CCSER1: variants seen among roughly 807,000 people sequenced by gnomAD.
CCSER1 encodes coiled-coil serine rich protein 1, also known as serine-rich coiled-coil domain-containing protein 1.
CCSER1 carries 41 observed loss-of-function variants against 82.0 expected under a neutral mutation model. The ratio of observed to expected loss-of-function variants is 0.50; its 90% CI spans 0.39 to 0.65. CCSER1 has a LOEUF of 0.65. Ranked by LOEUF, CCSER1 falls within the 30% of genes least tolerant of loss-of-function variation. The pLI, the probability that CCSER1 is intolerant of heterozygous loss-of-function variation, is 0.00. For synonymous variants in CCSER1, 414 were observed against 383.9 expected (o/e 1.08, Z -0.92); for missense variants, 1,119 against 1,064.2 (o/e 1.05, Z -0.72).
chr4:90,668,371 A>C (rs1330431647), intron 6 of CCSER1, among the ~76,000 whole-genome samples: 4 of 152,218 alleles, frequency 2.6e-5, no homozygotes, highest in Non-Finnish European at 5.9e-5. Flanking sequence ...TTAAATTTGC[A>C]GCAGAGTAAA....
chr4:91,039,407 A>T (rs1246567037), intron 9 of CCSER1, among the ~76,000 whole-genome samples: 1 of 152,140 alleles, frequency 6.6e-6, no homozygotes, highest in Non-Finnish European at 1.5e-5. Flanking sequence ...GTAGTATACA[A>T]CATTGTGTTT....
intron 8 of CCSER1, among the ~76,000 whole-genome samples, chr4:90,871,092 A>G (rs1279871520): frequency 3.4e-5 from 5 of 146,930 alleles, no homozygotes; most frequent in Admixed American, 1.4e-4. Flanking sequence ...TAGACTTTTT[A>G]AAGGTTCATC....
At chr4:90,507,404 C>A (rs1232330876) in intron 5 of CCSER1, among the ~76,000 whole-genome samples, 1 of 150,764 alleles carries the variant, frequency 6.6e-6, no homozygotes, top group South Asian at 2.1e-4. Flanking sequence ...TTGAAAAAAA[C>A]ATACAACTAT....
At chr4:91,413,819 G>A (rs1753202755) in intron 10 of CCSER1, among the ~76,000 whole-genome samples, 1 of 151,834 alleles carries the variant, frequency 6.6e-6, no homozygotes, top group Non-Finnish European at 1.5e-5. Context: ...ACATAAAAGG[G>A]AACCTACAAA....
chr4:90,766,494 T>C (rs1237380741), intron 7 of CCSER1, among the ~76,000 whole-genome samples: 2 of 152,096 alleles, frequency 1.3e-5, no homozygotes, highest in Admixed American at 6.6e-5. Flanking sequence ...TCACAAATCA[T>C]TGGCCAGGCC....
chr4:90,192,577 T>G (rs527957987), intron 1 of CCSER1, among the ~76,000 whole-genome samples: 62 of 152,214 alleles, frequency 4.1e-4, no homozygotes, highest in Non-Finnish European at 6.0e-4. Flanking sequence ...ATTGAGACTA[T>G]TTTCTTATAT....
At chr4:90,734,149 G>T (rs987497461) in intron 7 of CCSER1, among the ~76,000 whole-genome samples, 1 of 151,358 alleles carries the variant, frequency 6.6e-6, no homozygotes, top group African/African-American at 2.4e-5. Flanking sequence ...ATTTTGAGAT[G>T]GAATCTCGCT....
chr4:90,973,453 A>G (rs1292041857), intron 9 of CCSER1, among the ~76,000 whole-genome samples: 5 of 151,572 alleles, frequency 3.3e-5, no homozygotes, highest in African/African-American at 1.2e-4. Flanking sequence ...AATCATAAGT[A>G]CAATGAGTTA....
chr4:91,219,578 C>T (rs2011805), intron 10 of CCSER1, among the ~76,000 whole-genome samples: 57,747 of 151,862 alleles, frequency 0.38, 11,940 homozygotes, highest in East Asian at 0.84. Context: ...TCTGGGATTA[C>T]AGGCATAAGC....
intron 10 of CCSER1, among the ~76,000 whole-genome samples, chr4:91,470,758 T>C (rs1334313431): frequency 6.6e-6 from 1 of 152,190 alleles, no homozygotes; most frequent in Non-Finnish European, 1.5e-5. Context: ...CATCTGCCAG[T>C]AAATCCTTGA....
intron 7 of CCSER1, among the ~76,000 whole-genome samples, chr4:90,783,030 CT>C: frequency 1.3e-5 from 2 of 152,214 alleles, no homozygotes; most frequent in South Asian, 4.2e-4. Context: ...TAACCTCTGC[CT>C]CCCTGGTTCA....
chr4:91,401,574 G>A (rs1250825300), intron 10 of CCSER1, among the ~76,000 whole-genome samples: 2 of 151,800 alleles, frequency 1.3e-5, no homozygotes, highest in African/African-American at 4.8e-5. Flanking sequence ...ACAGACCCTG[G>A]TGTGTGATGT....
intron 3 of CCSER1, among the ~76,000 whole-genome samples, chr4:90,340,379 C>G (rs1410169088): frequency 6.6e-6 from 1 of 152,068 alleles, no homozygotes; most frequent in Non-Finnish European, 1.5e-5. Flanking sequence ...TAGTAAATAT[C>G]CTGTGTAATG....
intron 8 of CCSER1, among the ~76,000 whole-genome samples, chr4:90,900,772 A>T (rs1356424672): frequency 6.6e-6 from 1 of 151,916 alleles, no homozygotes; most frequent in Non-Finnish European, 1.5e-5. Flanking sequence ...ATATTCTGCA[A>T]TTTTTGGGTT....
At chr4:90,909,433 T>C (rs1033435760) in intron 8 of CCSER1, among the ~76,000 whole-genome samples, 7 of 152,090 alleles carry the variant, frequency 4.6e-5, no homozygotes, top group African/African-American at 1.4e-4. Flanking sequence ...CACTCCCCTC[T>C]GCACCCTAGG....
intron 7 of CCSER1, chr4:90,780,923 G>C: frequency 2.1e-6 from 1 of 467,302 alleles, no homozygotes; most frequent in Non-Finnish European, 2.8e-6. Context: ...CAGTTCTGCA[G>C]ACTGTACAGG....
intron 10 of CCSER1, among the ~76,000 whole-genome samples, chr4:91,173,217 A>G (rs1009773956): frequency 3.9e-5 from 6 of 152,244 alleles, no homozygotes; most frequent in Non-Finnish European, 5.9e-5. Context: ...CTTTAAAACA[A>G]TAGAGCAAAT....
chr4:90,314,205 T>A (rs1735768756), intron 3 of CCSER1, among the ~76,000 whole-genome samples: 1 of 152,198 alleles, frequency 6.6e-6, no homozygotes, highest in South Asian at 2.1e-4. Context: ...TACTAAAGAA[T>A]GACTATGTGA....
chr4:91,251,319 T>G (rs1212923365), intron 10 of CCSER1, among the ~76,000 whole-genome samples: 1 of 152,150 alleles, frequency 6.6e-6, no homozygotes, highest in Non-Finnish European at 1.5e-5. Flanking sequence ...TCCCTTATTA[T>G]GCAGGCACTA....
Sources: gnomAD v4.1 joint callset for allele counts (sites outside exome capture counted in the v4.1 genomes callset) on GRCh38, gnomAD v4.1.1 for gene constraint, MANE v1.5 for transcripts, NCBI Gene and HGNC (gene_info 2026-07-23, HGNC 2026-07-21) for gene names.